UTS2: variants seen among roughly 807,000 people sequenced by gnomAD.
UTS2 encodes the protein urotensin 2.
Under a neutral mutation model 12.6 loss-of-function variants are expected in UTS2, and 10 were observed. The observed-to-expected ratio is 0.80, with a 90% confidence interval of 0.49 to 1.35. The LOEUF (loss-of-function observed/expected upper bound fraction) is 1.35. Ranked by LOEUF, UTS2 falls within the 40% of genes most tolerant of loss-of-function variation. The pLI, the probability that UTS2 is intolerant of heterozygous loss-of-function variation, is 0.00. For missense variants in UTS2, 142 were observed against 143.2 expected (o/e 0.99, Z 0.04); for synonymous variants, 52 against 50.0 (o/e 1.04, Z -0.17).
the UTS2 span, among the ~76,000 whole-genome samples, chr1:7,873,885 G>T: frequency 6.6e-6 from 1 of 152,106 alleles, no homozygotes; most frequent in South Asian, 2.1e-4. Context: ...GTTTTTGAAA[G>T]AGTCATTTGA....
the UTS2 span, among the ~76,000 whole-genome samples, chr1:7,861,939 A>G: frequency 6.8e-6 from 1 of 146,592 alleles, no homozygotes; most frequent in African/African-American, 2.6e-5. Context: ...TCTGAGATGG[A>G]GTCTCACTCT....
the UTS2 span, among the ~76,000 whole-genome samples, chr1:7,899,223 A>G: frequency 6.6e-6 from 1 of 152,178 alleles, no homozygotes; most frequent in African/African-American, 2.4e-5. Context: ...ACAATTAGAC[A>G]AGAGATTTGC....
chr1:7,848,827 C>T (rs1043181799), intron 3 of UTS2, among the ~76,000 whole-genome samples: 1 of 152,156 alleles, frequency 6.6e-6, no homozygotes, highest in African/African-American at 2.4e-5. Flanking sequence ...TTCTGTACAT[C>T]GTTCAGGTCA....
chr1:7,894,753 G>A, the UTS2 span, among the ~76,000 whole-genome samples: 146 of 151,910 alleles, frequency 9.6e-4, 3 homozygotes, highest in East Asian at 0.021. Flanking sequence ...AGGCTGAGGC[G>A]GGCAGATCAC....
At chr1:7,853,640 C>T, upstream of UTS2, 1 of 524,982 alleles carries the variant, frequency 1.9e-6, no homozygotes, top group South Asian at 2.5e-5. Flanking sequence ...GCACTTCAAT[C>T]TTCAGAGAAA....
chr1:7,891,585 A>AAAGAAAGAAAGT, the UTS2 span, among the ~76,000 whole-genome samples: 1 of 151,496 alleles, frequency 6.6e-6, no homozygotes, highest in Admixed American at 6.6e-5. Context: ...AGAAAGAAAG[A>AAAGAAAGAAAGT]AAGAAAGAAA....
the UTS2 span, among the ~76,000 whole-genome samples, chr1:7,909,296 G>A: frequency 1.3e-5 from 2 of 152,042 alleles, no homozygotes; most frequent in East Asian, 3.9e-4. Context: ...TGTAATCCCA[G>A]CACTTTGGCA....
At chr1:7,887,244 C>T in the UTS2 span, among the ~76,000 whole-genome samples, 29 of 151,694 alleles carry the variant, frequency 1.9e-4, no homozygotes, top group South Asian at 8.4e-4. Context: ...AGGGTTGGAG[C>T]GGCTTTTTCC....
chr1:7,905,635 C>T, the UTS2 span, among the ~76,000 whole-genome samples: 30 of 152,188 alleles, frequency 2.0e-4, no homozygotes, highest in African/African-American at 6.7e-4. Flanking sequence ...TGCAGTGTTC[C>T]AAGGAAGAGG....
At chr1:7,892,629 C>T in the UTS2 span, among the ~76,000 whole-genome samples, 44 of 151,856 alleles carry the variant, frequency 2.9e-4, no homozygotes, top group Non-Finnish European at 6.2e-4. Flanking sequence ...GGGCACCCTG[C>T]CACCACGCCT....
the UTS2 span, among the ~76,000 whole-genome samples, chr1:7,910,682 G>T: frequency 6.6e-6 from 1 of 152,134 alleles, no homozygotes; most frequent in African/African-American, 2.4e-5. Flanking sequence ...AGAGAGCAAA[G>T]AAGAAATTTT....
the UTS2 span, among the ~76,000 whole-genome samples, chr1:7,906,341 A>AG: frequency 1 from 151,804 of 151,804 alleles, 75,902 homozygotes; most frequent in Non-Finnish European, 1. Context: ...ATACAGCCAG[A>AG]GCCTCTGCCA....
At chr1:7,895,329 A>T in the UTS2 span, among the ~76,000 whole-genome samples, 1 of 152,090 alleles carries the variant, frequency 6.6e-6, no homozygotes, top group Non-Finnish European at 1.5e-5. Flanking sequence ...AGATTGAGCC[A>T]CTGCACTCCA....
At chr1:7,856,027 TGCTATGTTGCCCAG>T (rs1383871715), upstream of UTS2, among the ~76,000 whole-genome samples, 1 of 151,882 alleles carries the variant, frequency 6.6e-6, no homozygotes, top group Non-Finnish European at 1.5e-5. Flanking sequence ...GACAGGGTCT[TGCTATGTTGCCCAG>T]GCTGGCCTCA....
At chr1:7,889,298 C>T in the UTS2 span, among the ~76,000 whole-genome samples, 22 of 149,034 alleles carry the variant, frequency 1.5e-4, no homozygotes, top group South Asian at 4.3e-3. Flanking sequence ...AAAAACTAGC[C>T]AGGCATGGTG....
chr1:7,910,882 G>A, the UTS2 span, among the ~76,000 whole-genome samples: 382 of 152,150 alleles, frequency 2.5e-3, 1 homozygote, highest in African/African-American at 8.6e-3. Context: ...GACTACAGGC[G>A]TGAGCCACTA....
chr1:7,903,757 A>T, the UTS2 span, among the ~76,000 whole-genome samples: 1 of 152,298 alleles, frequency 6.6e-6, no homozygotes, highest in African/African-American at 2.4e-5. Flanking sequence ...AAGCTTGCAC[A>T]GGAGTGTCAC....
At chr1:7,905,511 T>C in the UTS2 span, among the ~76,000 whole-genome samples, 1 of 149,638 alleles carries the variant, frequency 6.7e-6, no homozygotes, top group Admixed American at 6.7e-5. Context: ...TGGCAAAAAC[T>C]GCAATTACTT....
chr1:7,889,967 T>C, the UTS2 span, among the ~76,000 whole-genome samples: 9 of 151,888 alleles, frequency 5.9e-5, no homozygotes, highest in South Asian at 1.2e-3. Flanking sequence ...CTCGGGAGGC[T>C]GAGGAAGGAG....
Sources: allele counts gnomAD v4.1 joint callset (sites outside exome capture counted in the v4.1 genomes callset), GRCh38; gene constraint gnomAD v4.1.1; transcripts MANE v1.5; gene names NCBI Gene and HGNC (gene_info 2026-07-23, HGNC 2026-07-21).